Variants in WWOX observed in about 807,000 individuals in gnomAD.
WWOX encodes WW domain-containing oxidoreductase.
WWOX carries 69 observed loss-of-function variants against 46.2 expected under a neutral mutation model. The observed-to-expected ratio is 1.49, with a 90% CI of 1.23 to 1.82. The LOEUF is 1.82. Among genes scored for constraint, WWOX ranks in the 40% most tolerant of loss-of-function variants. The pLI is 0.00. For synonymous variants in WWOX, 359 were observed against 202.6 expected, an observed-to-expected ratio of 1.77 and a Z score of -6.56; for missense variants, 919 against 542.6, an observed-to-expected ratio of 1.69 and a Z score of -6.89.
intron 8 of WWOX, among the ~76,000 whole-genome samples, chr16:78,964,362 C>T (rs757793608): frequency 2.6e-5 from 4 of 152,036 alleles, no homozygotes; most frequent in African/African-American, 4.8e-5. Context: ...ATGAGGAGCT[C>T]GTTGGGAATT....
intron 5 of WWOX, among the ~76,000 whole-genome samples, chr16:78,240,347 A>G (rs1051532622): frequency 6.6e-6 from 1 of 152,022 alleles, no homozygotes; most frequent in Non-Finnish European, 1.5e-5. Context: ...ACAAAACAGA[A>G]AAAGGAGGAG....
chr16:78,995,565 A>T (rs375663958), intron 8 of WWOX, among the ~76,000 whole-genome samples: 1 of 148,440 alleles, frequency 6.7e-6, no homozygotes, highest in Non-Finnish European at 1.5e-5. Flanking sequence ...CTGTCTTTAT[A>T]AAAAAAAAAG....
chr16:78,660,996 G>A (rs1448235584), intron 8 of WWOX, among the ~76,000 whole-genome samples: 1 of 152,112 alleles, frequency 6.6e-6, no homozygotes, highest in East Asian at 1.9e-4. Flanking sequence ...AGACATTGAA[G>A]TTAGATCCAT....
chr16:78,752,803 T>A (rs1392381225), intron 8 of WWOX, among the ~76,000 whole-genome samples: 1 of 152,164 alleles, frequency 6.6e-6, no homozygotes, highest in Non-Finnish European at 1.5e-5. Flanking sequence ...ATCACATAAT[T>A]ACTTAAATGG....
intron 8 of WWOX, among the ~76,000 whole-genome samples, chr16:78,903,056 G>A (rs1360564472): frequency 6.6e-6 from 1 of 152,174 alleles, no homozygotes; most frequent in Non-Finnish European, 1.5e-5. Context: ...AGAGAAGAAT[G>A]AAGCAACAAA....
At chr16:79,125,450 G>C (rs2049731720) in intron 8 of WWOX, among the ~76,000 whole-genome samples, 1 of 152,198 alleles carries the variant, frequency 6.6e-6, no homozygotes, top group Non-Finnish European at 1.5e-5. Flanking sequence ...CATTGTAACA[G>C]CTTCTTAATT....
At chr16:78,775,527 A>AG (rs774959507) in intron 8 of WWOX, among the ~76,000 whole-genome samples, 1 of 152,140 alleles carries the variant, frequency 6.6e-6, no homozygotes, top group Non-Finnish European at 1.5e-5. Context: ...TGGGGTATCA[A>AG]GGGAGAGTAT....
rs959915615 is a variant in WWOX, at chr16:78,289,825, G to A, written c.517-97035G>A. 2.6e-5 allele frequency among the ~76,000 whole-genome samples: 4 copies of A among 152,048 alleles called. No individual in the cohort carries two copies. In the East Asian group the frequency reaches 5.8e-4, roughly 22 times the overall value. ...AATATGGGCTGTAGAGAGAAACGCC[G>A]TTTGCTTGATAGGTGTTTTTGTAAA... On this transcript the variant is annotated intron_variant, in intron 5 of 8. Coordinates refer to ENST00000566780, the MANE Select transcript of WWOX (RefSeq NM_016373.4).
intron 8 of WWOX, among the ~76,000 whole-genome samples, chr16:79,033,158 T>C (rs948347809): frequency 4.1e-5 from 6 of 146,806 alleles, no homozygotes; most frequent in Non-Finnish European, 9.0e-5. Context: ...ATATATAATA[T>C]ATATATAAAA....
intron 8 of WWOX, among the ~76,000 whole-genome samples, chr16:79,070,061 A>C (rs980670855): frequency 4.6e-5 from 7 of 152,254 alleles, no homozygotes; most frequent in South Asian, 4.1e-4. Context: ...GAATATTCCT[A>C]ATATAGTTTG....
chr16:78,946,222 G>T (rs185727411), intron 8 of WWOX, among the ~76,000 whole-genome samples: 17 of 152,056 alleles, frequency 1.1e-4, no homozygotes, highest in African/African-American at 4.1e-4. Flanking sequence ...ACTGAGTCTT[G>T]CTCTGTCGCC....
At chr16:79,103,027 G>A (rs2049233926) in intron 8 of WWOX, among the ~76,000 whole-genome samples, 1 of 149,556 alleles carries the variant, frequency 6.7e-6, no homozygotes, top group African/African-American at 2.5e-5. Flanking sequence ...TCTTCTTTGT[G>A]TCCTTGTTTC....
At chr16:78,636,828 C>T (rs1453356272) in intron 8 of WWOX, among the ~76,000 whole-genome samples, 1 of 152,172 alleles carries the variant, frequency 6.6e-6, no homozygotes, top group Non-Finnish European at 1.5e-5. Flanking sequence ...TTGGTTGCTC[C>T]TTCAGATACG....
rs529677982 is a variant in WWOX, at chr16:79,002,463, TC to T, written c.1057-209143del. 9.2e-5 allele frequency among the ~76,000 whole-genome samples: 14 copies of T among 152,222 alleles called. No homozygotes were observed. The South Asian group carries it at 2.9e-3, about 32-fold the overall frequency. ...CTCTCGAACTCCTGACCTCAGGTGA[TC>T]CACCTGCCTTGGCCTCCCAAAGTGC... On this transcript the variant is annotated intron_variant, in intron 8 of 8. Transcript: ENST00000566780.
intron 5 of WWOX, among the ~76,000 whole-genome samples, chr16:78,345,153 C>T (rs1194879932): frequency 8.5e-6 from 1 of 117,978 alleles, no homozygotes; most frequent in Non-Finnish European, 2.0e-5. Context: ...GATCAGGTGG[C>T]TGAGGAGCAG....
chr16:79,188,748 C>T (rs1014524671), intron 8 of WWOX, among the ~76,000 whole-genome samples: 1 of 152,158 alleles, frequency 6.6e-6, no homozygotes, highest in African/African-American at 2.4e-5. Flanking sequence ...CCTTTATTTC[C>T]AAGTTCTCCT....
At chr16:78,109,962 A>G (rs2032394512) in intron 3 of WWOX, 127 bp downstream of exon 3, 3 of 993,388 alleles carry the variant, frequency 3.0e-6, no homozygotes, top group East Asian at 5.3e-5. Flanking sequence ...TAATCTTAGC[A>G]GAAGTGACTA....
chr16:78,686,030 A>G (rs1311214171), intron 8 of WWOX, among the ~76,000 whole-genome samples: 1 of 152,196 alleles, frequency 6.6e-6, no homozygotes, highest in East Asian at 1.9e-4. Context: ...AAAGGAAGAA[A>G]TAAAGAGAAT....
At chr16:78,725,039 T>A in intron 8 of WWOX, among the ~76,000 whole-genome samples, 1 of 152,214 alleles carries the variant, frequency 6.6e-6, no homozygotes, top group African/African-American at 2.4e-5. Flanking sequence ...CTCCCATAAT[T>A]CCCATATGTT....
Sources: allele counts gnomAD v4.1 joint callset (sites outside exome capture counted in the v4.1 genomes callset), GRCh38; gene constraint gnomAD v4.1.1; transcripts MANE v1.5; gene names NCBI Gene and HGNC (gene_info 2026-07-23, HGNC 2026-07-21).